MAP4K5: variants seen among roughly 807,000 people sequenced by gnomAD.
MAP4K5 encodes mitogen-activated protein kinase kinase kinase kinase 5.
In MAP4K5, 82 loss-of-function variants were observed where a neutral mutation model predicts 135.6. That is an observed-to-expected ratio of 0.60 (90% CI 0.51 to 0.73). MAP4K5 has a LOEUF of 0.73. MAP4K5 is among the 30% of genes least tolerant of loss of function. The probability of loss-of-function intolerance (pLI) is 0.00; values close to 1 mark genes in which losing one functional copy is unlikely to be tolerated. For synonymous variants in MAP4K5, 347 were observed against 335.0 expected (o/e 1.04, Z -0.39); for missense variants, 907 against 1,010.9 (o/e 0.90, Z 1.39).
intron 2 of MAP4K5, among the ~76,000 whole-genome samples, chr14:50,539,954 T>G (rs1394965730): frequency 6.6e-6 from 1 of 152,116 alleles, no homozygotes; most frequent in Non-Finnish European, 1.5e-5. Flanking sequence ...TTCTGCTTAG[T>G]CAAACTCTAT....
In MAP4K5 at chr14:50,419,042, G is replaced by A. The variant is rs1187549116; in HGVS notation, c.*977C>T. ...ATGTGAAAAACCCAAGATTACATGTGTAATTACTTTATAGTTTCCTCTCTG... is the reference window on the plus strand; with the variant it reads ...ATGTGAAAAACCCAAGATTACATGTATAATTACTTTATAGTTTCCTCTCTG... On this transcript the variant is annotated 3_prime_UTR_variant, in exon 33 of 33. Coordinates refer to ENST00000682126, the MANE Select transcript of MAP4K5 (RefSeq NM_006575.6). 2 of 151,976 alleles carry A rather than the reference G, an allele frequency of 1.3e-5. No individual in the cohort carries two copies. The highest frequency in any genetic ancestry group is 2.9e-5 in the Non-Finnish European group (2 of 67,978). 9.4% of individuals were successfully genotyped at this position (151,976 alleles called of 1,614,324 possible). A position where few individuals can be genotyped will look rare whatever the true frequency, so the allele number is the denominator to read the frequency against.
chr14:50,427,952 C>T (rs986913508), intron 30 of MAP4K5, among the ~76,000 whole-genome samples: 10 of 152,080 alleles, frequency 6.6e-5, no homozygotes, highest in Admixed American at 2.6e-4. Flanking sequence ...ACACTGTTAT[C>T]GCATCACACA....
At chr14:50,499,111 C>G (rs1403589987) in intron 3 of MAP4K5, among the ~76,000 whole-genome samples, 7 of 151,662 alleles carry the variant, frequency 4.6e-5, no homozygotes, top group Non-Finnish European at 1.0e-4. Flanking sequence ...CACTGATTTT[C>G]CACAAAAATT....
chr14:50,517,128 T>A (rs2038049543), intron 2 of MAP4K5, among the ~76,000 whole-genome samples: 1 of 151,956 alleles, frequency 6.6e-6, no homozygotes, highest in Non-Finnish European at 1.5e-5. Flanking sequence ...TTTCTTTTTT[T>A]CAGGTTTCTA....
At chr14:50,520,034 G>A (rs912275632) in intron 2 of MAP4K5, among the ~76,000 whole-genome samples, 48 of 152,270 alleles carry the variant, frequency 3.2e-4, no homozygotes, top group Admixed American at 1.0e-3. Flanking sequence ...ACCAACAAAG[G>A]GATGCATGCA....
At chr14:50,537,770 C>T (rs977934272) in intron 2 of MAP4K5, among the ~76,000 whole-genome samples, 3 of 152,160 alleles carry the variant, frequency 2.0e-5, no homozygotes, top group African/African-American at 7.2e-5. Context: ...GCCTGTAGCC[C>T]CTTTGTTTTG....
intron 9 of MAP4K5, among the ~76,000 whole-genome samples, chr14:50,470,883 C>T (rs1457670338): frequency 6.6e-6 from 1 of 151,910 alleles, no homozygotes; most frequent in Non-Finnish European, 1.5e-5. Context: ...AATCTGTATG[C>T]CTCTCTAATA....
intron 2 of MAP4K5, among the ~76,000 whole-genome samples, chr14:50,522,669 C>G (rs1294670555): frequency 1.3e-5 from 2 of 151,854 alleles, no homozygotes; most frequent in African/African-American, 4.8e-5. Flanking sequence ...GCTATTTTTC[C>G]AAGTTATTCA....
intron 1 of MAP4K5, among the ~76,000 whole-genome samples, chr14:50,551,103 A>G (rs900410514): frequency 1.3e-5 from 2 of 152,208 alleles, no homozygotes; most frequent in African/African-American, 4.8e-5. Context: ...TTCTTTGAAA[A>G]GATAAACAAA....
chr14:50,490,473 G>A (rs1045873646), intron 3 of MAP4K5, among the ~76,000 whole-genome samples: 1 of 152,176 alleles, frequency 6.6e-6, no homozygotes, highest in Non-Finnish European at 1.5e-5. Flanking sequence ...AATTAAGCAT[G>A]TTCAGTAACC....
intron 16 of MAP4K5, 74 bp downstream of exon 16, chr14:50,447,340 G>T: frequency 1.1e-6 from 1 of 886,732 alleles, no homozygotes; most frequent in South Asian, 1.8e-5. Context: ...AAGCTTATTA[G>T]AATAAATCAC....
rs550638640 is a variant in MAP4K5 at position 50,446,900 on chromosome 14, T to C, written c.1142+514A>G. Among the ~76,000 whole-genome samples the C allele has an allele frequency of 1.2e-4, 18 of 152,346 alleles. No individual in the cohort carries two copies. The East Asian group carries it at 3.3e-3, about 28-fold the overall frequency. ...TGTAATTTTCATGTGTAATAAAATA[T>C]AATTATTCTTTTGATTTCTTTTCAA... On this transcript the variant is annotated intron_variant, in intron 16 of 32. Coordinates refer to ENST00000682126, the MANE Select transcript of MAP4K5 (RefSeq NM_006575.6).
intron 2 of MAP4K5, among the ~76,000 whole-genome samples, chr14:50,526,339 G>T (rs560120070): frequency 6.6e-6 from 1 of 151,986 alleles, no homozygotes; most frequent in African/African-American, 2.4e-5. Flanking sequence ...TGCTTTTGTT[G>T]CCCAGGCTGG....
At chr14:50,447,354 C>A (rs2036377406) in intron 16 of MAP4K5, 60 bp downstream of exon 16, 2 of 973,364 alleles carry the variant, frequency 2.1e-6, no homozygotes, top group Non-Finnish European at 3.1e-6. Flanking sequence ...AAATCACATG[C>A]CCCATACTGT....
chr14:50,489,612 A>G (rs1281808000), intron 3 of MAP4K5, among the ~76,000 whole-genome samples: 1 of 152,176 alleles, frequency 6.6e-6, no homozygotes, highest in Non-Finnish European at 1.5e-5. Flanking sequence ...ATTAATCACT[A>G]CCAGTCTGAT....
Position 50,434,389 on chromosome 14 carries a change from C to G in MAP4K5, c.2164+5G>C. 4 of 1,589,498 alleles carry G rather than the reference C, an allele frequency of 2.5e-6. No individual in the cohort carries two copies. The highest frequency in any genetic ancestry group is 3.4e-6 in the Non-Finnish European group (4 of 1,167,004). ...ATATTCTAACATAAGGTAAAAAATACTTACCTGCACCAATTTCTGTAAACC... is the reference window on the plus strand; with the variant it reads ...ATATTCTAACATAAGGTAAAAAATAGTTACCTGCACCAATTTCTGTAAACC... On this transcript the variant is annotated splice_donor_5th_base_variant and intron_variant, in intron 28 of 32. Coordinates refer to ENST00000682126, the MANE Select transcript of MAP4K5 (RefSeq NM_006575.6).
chr14:50,506,817 C>T (rs544863164), intron 2 of MAP4K5, among the ~76,000 whole-genome samples: 4 of 152,290 alleles, frequency 2.6e-5, no homozygotes, highest in African/African-American at 9.6e-5. Context: ...TAACTACGAA[C>T]ACATTTACAA....
chr14:50,442,538 G>A (rs918556450), intron 21 of MAP4K5, among the ~76,000 whole-genome samples, 194 bp downstream of exon 21: 1 of 152,000 alleles, frequency 6.6e-6, no homozygotes, highest in African/African-American at 2.4e-5. Flanking sequence ...ATCAAGAATA[G>A]CTCCTATACA....
At chr14:50,463,912 AAAAAAAAAAAAAAAAAG>A in intron 12 of MAP4K5, 123 bp downstream of exon 12, 4 of 389,898 alleles carry the variant, frequency 1.0e-5, no homozygotes, top group East Asian at 9.7e-5. Flanking sequence ...AAAAAAAAAA[AAAAAAAAAAAAAAAAAG>A]TTTGCTGACC....
Sources: allele counts gnomAD v4.1 joint callset (sites outside exome capture counted in the v4.1 genomes callset), GRCh38; gene constraint gnomAD v4.1.1; transcripts MANE v1.5; gene names NCBI Gene and HGNC (gene_info 2026-07-23, HGNC 2026-07-21).